Variants in TCF20 observed in about 807,000 individuals in gnomAD.
TCF20 encodes SPRE-binding protein.
In TCF20, 3 loss-of-function variants were observed where a neutral mutation model predicts 148.6. That is an observed-to-expected ratio of 0.02 (90% CI 0.01 to 0.05). The LOEUF (loss-of-function observed/expected upper bound fraction) is 0.05, where lower values mean the gene tolerates loss of function less well. Ranked by LOEUF, TCF20 falls within the 10% of genes least tolerant of loss-of-function variation. The pLI is 1.00. For synonymous variants in TCF20, 1,049 were observed against 909.5 expected, an observed-to-expected ratio of 1.15 and a Z score of -2.76; for missense variants, 2,350 against 2,429.3, an observed-to-expected ratio of 0.97 and a Z score of 0.69.
rs1311635316 is a variant in TCF20 at position 42,166,392 on chromosome 22, G to C, written c.*44+2217C>G. Reference sequence around the variant, plus strand: ...AGAGGTCAAGGCGGGAAGATCACTTGATGTCAGGAGTTCAAGGCCAGCCTG... The same window carrying C: ...AGAGGTCAAGGCGGGAAGATCACTTCATGTCAGGAGTTCAAGGCCAGCCTG... On this transcript the variant is annotated intron_variant, in intron 5 of 5. Transcript: ENST00000677622. Among the ~76,000 whole-genome samples the C allele has an allele frequency of 3.3e-5, 5 of 152,206 alleles. No individual in the cohort carries two copies. The East Asian group carries it at 7.7e-4, about 23-fold the overall frequency.
At chr22:42,272,544 A>C (rs2147007216), upstream of TCF20, among the ~76,000 whole-genome samples, 1 of 152,332 alleles carries the variant, frequency 6.6e-6, no homozygotes, top group South Asian at 2.1e-4. Flanking sequence ...AAAGGGAAAG[A>C]ATAAAGAATG....
chr22:42,196,114 A>T (rs2147144705), intron 2 of TCF20, among the ~76,000 whole-genome samples: 1 of 152,320 alleles, frequency 6.6e-6, no homozygotes, highest in East Asian at 1.9e-4. Context: ...TAACCTGCAA[A>T]GGGAAGGCTG....
chr22:42,287,903 A>G (rs1376751575), upstream of TCF20, among the ~76,000 whole-genome samples: 3 of 152,222 alleles, frequency 2.0e-5, no homozygotes, highest in Non-Finnish European at 4.4e-5. Flanking sequence ...AGTCCTGCAA[A>G]TCAGATTTGG....
chr22:42,172,274 G>A (rs749650108), intron 3 of TCF20, among the ~76,000 whole-genome samples: 6 of 152,236 alleles, frequency 3.9e-5, no homozygotes, highest in Non-Finnish European at 8.8e-5. Context: ...GCACAGGGGA[G>A]CTTCTCCTCT....
chr22:42,220,177 CTCT>C (rs1922224980), intron 1 of TCF20, among the ~76,000 whole-genome samples: 2 of 151,322 alleles, frequency 1.3e-5, no homozygotes, highest in African/African-American at 4.9e-5. Flanking sequence ...CCAATCCATT[CTCT>C]TTTTTGGAAA....
intron 1 of TCF20, among the ~76,000 whole-genome samples, chr22:42,237,892 T>C (rs1046494494): frequency 1.3e-5 from 2 of 152,238 alleles, no homozygotes; most frequent in Non-Finnish European, 2.9e-5. Flanking sequence ...CATCTAGGTT[T>C]TGTTGATCCA....
chr22:42,161,257 C>A lies in TCF20; in HGVS notation c.*146G>T. ...AAGGAAGTGCTGGCATGGGCAGGCACGCGGGCGGGGCGGGGCGGGGCAGGG... is the reference window on the plus strand; with the variant it reads ...AAGGAAGTGCTGGCATGGGCAGGCAAGCGGGCGGGGCGGGGCGGGGCAGGG... On this transcript the variant is annotated 3_prime_UTR_variant, in exon 6 of 6. Transcript: ENST00000677622. The A allele has an allele frequency of 6.9e-7, 1 of 1,456,996 alleles. No individual in the cohort carries two copies. The highest frequency in any genetic ancestry group is 9.2e-7 in the Non-Finnish European group (1 of 1,081,840). The allele number at this position is 1,456,996 out of a possible 1,614,324, so 90.3% of individuals were successfully genotyped here.
intron 1 of TCF20, among the ~76,000 whole-genome samples, chr22:42,261,113 A>T (rs144005280): frequency 6.6e-6 from 1 of 152,154 alleles, no homozygotes; most frequent in African/African-American, 2.4e-5. Flanking sequence ...CACCCATTAC[A>T]TATGATTTTT....
At chr22:42,333,201 G>A (rs1392022742) in intron 1 of TCF20, among the ~76,000 whole-genome samples, 1 of 152,004 alleles carries the variant, frequency 6.6e-6, no homozygotes, top group Non-Finnish European at 1.5e-5. Flanking sequence ...GTGTGCAGTG[G>A]CAGGAGCTGC....
rs764998390 is a variant in TCF20, at chr22:42,211,844, G to A, written c.3462C>T (p.Asp1154=). ...AGCGCCCAGCCTCCTGGGCACTGGGGTCATGGTAAGTCCCCACTGGTGGGC... is the reference window on the plus strand; with the variant it reads ...AGCGCCCAGCCTCCTGGGCACTGGGATCATGGTAAGTCCCCACTGGTGGGC... ...MYGPPVGTYH[D]PSAQEAGRCL... The change falls in exon 2 of 6, where the codon GAC becomes GAT. Residue 1154 remains aspartate, a synonymous_variant. Transcript: ENST00000677622. 1.0e-4 allele frequency: 167 copies of A among 1,614,044 alleles called. No individual in the cohort carries two copies. The highest frequency in any genetic ancestry group is 4.3e-4 in the Admixed American group (26 of 60,010).
At chr22:42,308,869 C>T (rs1459993390) in intron 1 of TCF20, among the ~76,000 whole-genome samples, 3 of 152,160 alleles carry the variant, frequency 2.0e-5, no homozygotes, top group Non-Finnish European at 4.4e-5. Context: ...TATCTCTGAG[C>T]CTCAGTTTCC....
chr22:42,226,322 A>G (rs924160874), intron 1 of TCF20, among the ~76,000 whole-genome samples: 6 of 152,234 alleles, frequency 3.9e-5, no homozygotes, highest in African/African-American at 7.2e-5. Context: ...ATTAATACAT[A>G]ATTTCTAAAC....
chr22:42,301,383 C>G (rs1927333992), intron 1 of TCF20, among the ~76,000 whole-genome samples: 1 of 152,192 alleles, frequency 6.6e-6, no homozygotes, highest in African/African-American at 2.4e-5. Context: ...ACAGACGTGA[C>G]CACACAACCA....
chr22:42,188,293 C>CAAAAAAAAAAAAAAAAAAA lies in TCF20; in HGVS notation c.5656-8610_5656-8592dup, dbSNP rs58945649. 2.2e-4 allele frequency among the ~76,000 whole-genome samples: 11 copies of CAAAAAAAAAAAAAAAAAAA among 49,464 alleles called. 3 individuals carry two copies. Among genetic ancestry groups the CAAAAAAAAAAAAAAAAAAA allele is most frequent in the South Asian group, 1.1e-3 (1 of 894 alleles). The allele number at this position is 49,464 out of a possible 152,430, so 32.5% of individuals were successfully genotyped here. A position where few individuals can be genotyped will look rare whatever the true frequency, so the allele number is the denominator to read the frequency against. On this transcript the variant is annotated intron_variant, in intron 2 of 5. Coordinates refer to ENST00000677622, the MANE Select transcript of TCF20 (RefSeq NM_001378418.1). ...GGGCAACAAGAGTGAAACTCCGTCT[C>CAAAAAAAAAAAAAAAAAAA]AAAAAAAAAAAAAAAAAAAAAAAAA...
At chr22:42,180,040 A>G (rs1936696521) in intron 2 of TCF20, among the ~76,000 whole-genome samples, 1 of 152,128 alleles carries the variant, frequency 6.6e-6, no homozygotes, top group Admixed American at 6.6e-5. Flanking sequence ...ACACTATGCC[A>G]GGCATTTCCT....
At chr22:42,296,450 G>A (rs1232735361) in intron 1 of TCF20, among the ~76,000 whole-genome samples, 1 of 152,246 alleles carries the variant, frequency 6.6e-6, no homozygotes, top group Admixed American at 6.5e-5. Context: ...GGCTCCCCAA[G>A]GGCCATGAGG....
At chr22:42,273,112 G>C (rs2147007895), upstream of TCF20, among the ~76,000 whole-genome samples, 1 of 149,830 alleles carries the variant, frequency 6.7e-6, no homozygotes, top group South Asian at 2.1e-4. Context: ...TGTAATCCCA[G>C]CACTTGGGAG....
intron 1 of TCF20, among the ~76,000 whole-genome samples, chr22:42,322,704 G>C (rs1337796682): frequency 6.6e-6 from 1 of 151,744 alleles, no homozygotes; most frequent in East Asian, 1.9e-4. Flanking sequence ...ATGAGTGTCT[G>C]AGGGAATGAA....
chr22:42,245,989 G>A (rs1448861309), intron 1 of TCF20, among the ~76,000 whole-genome samples: 2 of 152,056 alleles, frequency 1.3e-5, no homozygotes, highest in Non-Finnish European at 2.9e-5. Flanking sequence ...AACACCCTGA[G>A]GACAAGTACT....
Sources: allele counts gnomAD v4.1 joint callset (sites outside exome capture counted in the v4.1 genomes callset), GRCh38; gene constraint gnomAD v4.1.1; transcripts MANE v1.5; gene names NCBI Gene and HGNC (gene_info 2026-07-23, HGNC 2026-07-21).